LCMT2: variants seen among roughly 807,000 people sequenced by gnomAD.
LCMT2 encodes tRNA wybutosine-synthesizing protein 4.
LCMT2 carries 34 observed loss-of-function variants against 42.0 expected under a neutral mutation model. That is an observed-to-expected ratio of 0.81 (90% confidence interval 0.62 to 1.08). The LOEUF (loss-of-function observed/expected upper bound fraction) is 1.08. Ranked by LOEUF, LCMT2 falls within the 50% of genes least tolerant of loss-of-function variation. The probability of loss-of-function intolerance (pLI) is 0.00; values close to 1 mark genes in which losing one functional copy is unlikely to be tolerated. For missense variants in LCMT2, 1,091 were observed against 889.4 expected (o/e 1.23, Z -2.88); for synonymous variants, 445 against 369.5 (o/e 1.20, Z -2.34).
Position 43,329,554 on chromosome 15 carries a change from A to G in LCMT2, c.936T>C (p.Ser312=), listed in dbSNP as rs146821291. The change falls in exon 1 of 1, where the codon TCT becomes TCC. Residue 312 remains serine (S), a synonymous_variant. Coordinates refer to ENST00000305641, the MANE Select transcript of LCMT2 (RefSeq NM_014793.5). ...KCAHYFILAA[S]RGDTLSHTLV... ...GGGTGTGGGAGAGGGTGTCTCCCCT[A>G]GAAGCTGCCAGAATGAAATAATGGG... 235 of 1,614,126 alleles carry G rather than the reference A, an allele frequency of 1.5e-4. No homozygotes were observed. The African/African-American group carries it at 2.9e-3, about 20-fold the overall frequency.
In LCMT2 at chr15:43,330,503, T is replaced by G. The variant is rs1423479713; in HGVS notation, c.-14A>C. The stretch of plus-strand genomic sequence containing the variant: ...CCGGGGGCCCATGGCCAGAAGAGAC[T>G]CAGGAATGGCAGTCTGTCACGGTTG... On this transcript the variant is annotated 5_prime_UTR_variant, in exon 1 of 1. Coordinates refer to ENST00000305641, the MANE Select transcript of LCMT2 (RefSeq NM_014793.5). The G allele has an allele frequency of 6.6e-7, 1 of 1,512,648 alleles. No individual in the cohort carries two copies. The highest frequency in any genetic ancestry group is 1.4e-5 in the African/African-American group (1 of 70,992). 93.7% of individuals were successfully genotyped at this position (1,512,648 alleles called of 1,614,324 possible).
In LCMT2 at chr15:43,328,337, G is replaced by A; in HGVS notation, c.*92C>T. On this transcript the variant is annotated 3_prime_UTR_variant, in exon 1 of 1. Transcript: ENST00000305641. ...CTAAGGGAAAAAAAGGATGGGGAAA[G>A]GAGGAGTGGCAGTATCTATAGCTAG... The A allele has an allele frequency of 3.8e-6, 5 of 1,332,908 alleles. No homozygotes were observed. The highest frequency in any genetic ancestry group is 5.2e-6 in the Non-Finnish European group (5 of 966,748). 82.6% of individuals were successfully genotyped at this position (1,332,908 alleles called of 1,614,324 possible).
rs925658506 is a variant in LCMT2, at chr15:43,329,165, G to A, written c.1325C>T (p.Pro442Leu). ...ATGAAGCTGGAGAACCCCCAAGGCT[G>A]GACTTACTGGGGACAGTCTCCCTCC... ...VLGGRLSPVS[P>L]ALGVLQLHFF... The change falls in exon 1 of 1, where the codon CCA becomes CTA. Residue 442 changes from proline to leucine, a missense_variant. Pro to Leu is a moderately conservative substitution (Grantham distance 98, BLOSUM62 -3). Transcript: ENST00000305641. The A allele has an allele frequency of 2.5e-6, 4 of 1,614,066 alleles. No individual in the cohort carries two copies. The Admixed American group carries it at 5.0e-5, about 20-fold the overall frequency.
In LCMT2 at chr15:43,326,020, T is replaced by C. The variant is rs1015487392; in HGVS notation, c.*2409A>G. On this transcript the variant is annotated 3_prime_UTR_variant, in exon 1 of 1. Transcript: ENST00000305641. Reference sequence around the variant, plus strand: ...CATCCCTGGCTAATCTTTGTATATATAGATAGATGGATAATTTTTTTTTTT... The same window carrying C: ...CATCCCTGGCTAATCTTTGTATATACAGATAGATGGATAATTTTTTTTTTT... 1 of 148,058 alleles carries C rather than the reference T, an allele frequency of 6.8e-6. No individual in the cohort carries two copies. Among genetic ancestry groups the C allele is most frequent in the African/African-American group, 2.5e-5 (1 of 40,408 alleles). The allele number at this position is 148,058 out of a possible 1,614,324, so 9.2% of individuals were successfully genotyped here.
Position 43,329,850 on chromosome 15 carries a change from G to C in LCMT2, c.640C>G (p.Leu214Val), listed in dbSNP as rs778676031. Residue 214 changes from leucine to valine, a missense_variant, in exon 1 of 1, where the codon CTT becomes GTT. By Grantham distance (32) the Leu-to-Val change is conservative. Coordinates refer to ENST00000305641, the MANE Select transcript of LCMT2 (RefSeq NM_014793.5). ...CTCATCTGCTCATAGACCACGAAAA[G>C]GGCATTAGGAAAACGCTGGGCTGCC... is the stretch of plus-strand genomic sequence containing the variant. The part of the protein sequence containing the change: ...AWAAQRFPNA[L>V]FVVYEQMRPQ... 2.5e-6 allele frequency: 4 copies of C among 1,613,764 alleles called. No homozygotes were observed. The African/African-American group carries it at 4.0e-5, about 16-fold the overall frequency.
chr15:43,329,066 G>A lies in LCMT2; in HGVS notation c.1424C>T (p.Ser475Phe), dbSNP rs777556762. Residue 475 changes from serine to phenylalanine, a missense_variant, in exon 1 of 1, where the codon TCC (serine) becomes TTC (phenylalanine). By Grantham distance (155) the Ser-to-Phe change is radical. Coordinates refer to ENST00000305641, the MANE Select transcript of LCMT2 (RefSeq NM_014793.5). ...TGAATGCCGCCAACAACACAAAGTG[G>A]AATCATCCTTTCGGCCAGCCTTTGT... ...TITKAGRKDD[S>F]TLCCWRHSTT... 8 of 1,614,116 alleles carry A rather than the reference G, an allele frequency of 5.0e-6. No individual in the cohort carries two copies. The highest frequency in any genetic ancestry group is 6.8e-6 in the Non-Finnish European group (8 of 1,180,030).
rs750103884 is a variant in LCMT2, at chr15:43,328,709, A to G, written c.1781T>C (p.Leu594Pro). 1.2e-6 allele frequency: 2 copies of G among 1,614,174 alleles called. No individual in the cohort carries two copies. The highest frequency in any genetic ancestry group is 1.7e-6 in the Non-Finnish European group (2 of 1,180,036). Residue 594 changes from leucine (L) to proline (P), a missense_variant, in exon 1 of 1, where the codon CTC (leucine) becomes CCC (proline). Coordinates refer to ENST00000305641, the MANE Select transcript of LCMT2 (RefSeq NM_014793.5). ...TPRYSHTAHV[L>P]NGKLLLVGGI... ...TCCAACCAGTAACAGCTTTCCATTG[A>G]GCACATGAGCTGTGTGGGAGTACCT... is the stretch of plus-strand genomic sequence containing the variant.
Position 43,325,510 on chromosome 15 carries a change from T to G in LCMT2, c.*2919A>C, listed in dbSNP as rs1371213403. ...AGATGAATAATTCCTTAACTGAGCA[T>G]GATGCTCAGTTAGAGGTGGAGGGCA... is the stretch of plus-strand genomic sequence containing the variant. On this transcript the variant is annotated 3_prime_UTR_variant, in exon 1 of 1. Transcript: ENST00000305641. 6.6e-6 allele frequency: 1 copy of G among 152,204 alleles called. No homozygotes were observed. The highest frequency in any genetic ancestry group is 1.9e-4 in the East Asian group (1 of 5,196). The allele number at this position is 152,204 out of a possible 1,614,324, so 9.4% of individuals were successfully genotyped here. A position where few individuals can be genotyped will look rare whatever the true frequency, so the allele number is the denominator to read the frequency against.
In LCMT2 at chr15:43,329,604, A is replaced by G. The variant is rs2043152669; in HGVS notation, c.886T>C (p.Phe296Leu). 6.2e-7 allele frequency: 1 copy of G among 1,613,994 alleles called. No homozygotes were observed. ...RVENIEPFDE[F>L]EEWHLKCAHY... ...GCGCACTTCAGATGCCACTCCTCAAATTCGTCAAAGGGTTCAATATTTTCC... is the reference window on the plus strand; with the variant it reads ...GCGCACTTCAGATGCCACTCCTCAAGTTCGTCAAAGGGTTCAATATTTTCC... The change falls in exon 1 of 1, where the codon TTT (phenylalanine) becomes CTT (leucine). Residue 296 changes from phenylalanine (F) to leucine (L), a missense_variant. Coordinates refer to ENST00000305641, the MANE Select transcript of LCMT2 (RefSeq NM_014793.5).
chr15:43,329,487 C>T lies in LCMT2; in HGVS notation c.1003G>A (p.Ala335Thr). Residue 335 changes from alanine (A) to threonine (T), a missense_variant, in exon 1 of 1, where the codon GCT (alanine) becomes ACT (threonine). Transcript: ENST00000305641. Reference sequence around the variant, plus strand: ...GCAGGGAATACCCCTGAAGGCGAAGCAGGATTTACGCGAGGAAATGCCTCT... The same window carrying T: ...GCAGGGAATACCCCTGAAGGCGAAGTAGGATTTACGCGAGGAAATGCCTCT... ...SSEAFPRVNP[A>T]SPSGVFPASV... is the part of the protein sequence containing the mutation. 1 of 1,614,200 alleles carries T rather than the reference C, an allele frequency of 6.2e-7. No homozygotes were observed. Among genetic ancestry groups the T allele is most frequent in the Non-Finnish European group, 8.5e-7 (1 of 1,180,040 alleles).
Position 43,328,376 on chromosome 15 carries a change from T to C in LCMT2, c.*53A>G, listed in dbSNP as rs535350803. The C allele has an allele frequency of 3.7e-5, 57 of 1,540,790 alleles. No homozygotes were observed. The East Asian group carries it at 1.3e-3, about 34-fold the overall frequency. On this transcript the variant is annotated 3_prime_UTR_variant, in exon 1 of 1. Coordinates refer to ENST00000305641, the MANE Select transcript of LCMT2 (RefSeq NM_014793.5). ...ATCTATAGCTAGAGGGTCATCCTAT[T>C]TGTGGAAAACTTTATTGTCTACTTT...
In LCMT2 at chr15:43,327,969, T is replaced by G; in HGVS notation, c.*460A>C. 6.2e-6 allele frequency: 1 copy of G among 160,178 alleles called. No homozygotes were observed. The highest frequency in any genetic ancestry group is 5.8e-5 in the Admixed American group (1 of 17,176). The allele number at this position is 160,178 out of a possible 1,614,324, so 9.9% of individuals were successfully genotyped here. ...ACTGTGACTGTGTTCATTTCAGGTTTCCTACATGAAGAATTGTCAATACTA... is the reference window on the plus strand; with the variant it reads ...ACTGTGACTGTGTTCATTTCAGGTTGCCTACATGAAGAATTGTCAATACTA... On this transcript the variant is annotated 3_prime_UTR_variant, in exon 1 of 1. Coordinates refer to ENST00000305641, the MANE Select transcript of LCMT2 (RefSeq NM_014793.5).
chr15:43,329,156 C>T lies in LCMT2; in HGVS notation c.1334G>A (p.Gly445Glu). Residue 445 changes from glycine (G) to glutamate (E), a missense_variant, in exon 1 of 1, where the codon GGG becomes GAG. Physicochemically the swap from Gly to Glu is moderately conservative, Grantham distance 98 (BLOSUM62 -2). Coordinates refer to ENST00000305641, the MANE Select transcript of LCMT2 (RefSeq NM_014793.5). The stretch of plus-strand genomic sequence containing the variant: ...CTTAAAAAAATGAAGCTGGAGAACC[C>T]CCAAGGCTGGACTTACTGGGGACAG... ...GRLSPVSPAL[G>E]VLQLHFFKSE... 6.2e-7 allele frequency: 1 copy of T among 1,614,030 alleles called. No individual in the cohort carries two copies. The highest frequency in any genetic ancestry group is 1.1e-5 in the South Asian group (1 of 91,080).
In LCMT2 at chr15:43,330,303, C is replaced by G. The variant is rs755121894; in HGVS notation, c.187G>C (p.Val63Leu). 7.5e-6 allele frequency: 12 copies of G among 1,594,010 alleles called. No individual in the cohort carries two copies. Among genetic ancestry groups the G allele is most frequent in the Middle Eastern group, 1.7e-4 (1 of 6,002 alleles). ...HRGYYVRARA[V>L]RHCVRAFLEQ... ...AAAAAAGCGCGCACGCAGTGCCTCACGGCGCGTGCGCGGACGTAGTAGCCT... is the reference window on the plus strand; with the variant it reads ...AAAAAAGCGCGCACGCAGTGCCTCAGGGCGCGTGCGCGGACGTAGTAGCCT... Residue 63 changes from valine (V) to leucine (L), a missense_variant, in exon 1 of 1, where the codon GTG becomes CTG. Physicochemically the swap from Val to Leu is conservative, Grantham distance 32 (BLOSUM62 1). Transcript: ENST00000305641.
Position 43,328,487 on chromosome 15 carries a change from G to C in LCMT2, c.2003C>G (p.Thr668Ser), listed in dbSNP as rs1195150884. The C allele has an allele frequency of 6.2e-7, 1 of 1,614,036 alleles. No individual in the cohort carries two copies. The highest frequency in any genetic ancestry group is 1.3e-5 in the African/African-American group (1 of 74,916). Residue 668 changes from threonine to serine, a missense_variant, in exon 1 of 1, where the codon ACC (threonine) becomes AGC (serine). Coordinates refer to ENST00000305641, the MANE Select transcript of LCMT2 (RefSeq NM_014793.5). Reference protein sequence around the residue: ...GGGGNCFSFGTYFNPHTVTLD... With the variant: ...GGGGNCFSFGSYFNPHTVTLD... Reference sequence around the variant, plus strand: ...TGTGACTGTATGGGGGTTGAAGTAGGTACCAAAGGAAAAGCAGTTCCCACC... The same window carrying C: ...TGTGACTGTATGGGGGTTGAAGTAGCTACCAAAGGAAAAGCAGTTCCCACC...
Position 43,329,980 on chromosome 15 carries a change from C to G in LCMT2, c.510G>C (p.Glu170Asp). ...CGTCGAGCCCCGCGGCGCCCAGGGC[C>G]TCCTCCACTCGCTGGAGCTGCCGCA... ...LDLRQLQRVE[E>D]ALGAAGLDAA... is the part of the protein sequence containing the mutation. The change falls in exon 1 of 1, where the codon GAG (glutamate) becomes GAC (aspartate). Residue 170 changes from glutamate to aspartate, a missense_variant. Glu to Asp is a conservative substitution (Grantham distance 45). Transcript: ENST00000305641. The G allele has an allele frequency of 6.2e-7, 1 of 1,612,522 alleles. No individual in the cohort carries two copies. Among genetic ancestry groups the G allele is most frequent in the Middle Eastern group, 1.6e-4 (1 of 6,062 alleles).
At position 43,330,571 on chromosome 15, in the gene LCMT2, G is replaced by C; in HGVS notation, c.-82C>G. 1.4e-6 allele frequency: 2 copies of C among 1,451,504 alleles called. No homozygotes were observed. The highest frequency in any genetic ancestry group is 1.8e-6 in the Non-Finnish European group (2 of 1,103,052). The allele number at this position is 1,451,504 out of a possible 1,614,324, so 89.9% of individuals were successfully genotyped here. A position where few individuals can be genotyped will look rare whatever the true frequency, so the allele number is the denominator to read the frequency against. On this transcript the variant is annotated 5_prime_UTR_variant, in exon 1 of 1. Coordinates refer to ENST00000305641, the MANE Select transcript of LCMT2 (RefSeq NM_014793.5). The stretch of plus-strand genomic sequence containing the variant: ...AGCACACACCTCACGGACCTCGGTA[G>C]GGGGAAAAAAACCACCCATGCTCCT...
Position 43,330,349 on chromosome 15 carries a change from G to GCGCGC in LCMT2, c.136_140dup (p.Pro50AlafsTer16), listed in dbSNP as rs902521449. 5 of 1,601,774 alleles carry GCGCGC rather than the reference G, an allele frequency of 3.1e-6. No homozygotes were observed. The highest frequency in any genetic ancestry group is 1.7e-5 in the Admixed American group (1 of 57,898). ...AGCCTCGGTGAATGAGCGGTGCGCG[G>GCGCGC]CGCGCCGCGCCCGGAACCAGCAACG... is the stretch of plus-strand genomic sequence containing the variant. On this transcript the variant is annotated frameshift_variant, in exon 1 of 1. Coordinates refer to ENST00000305641, the MANE Select transcript of LCMT2 (RefSeq NM_014793.5). LOFTEE classifies it low-confidence loss of function (END_TRUNC).
In LCMT2 at chr15:43,325,387, CTG is replaced by C. The variant is rs1453936652; in HGVS notation, c.*3040_*3041del. The C allele has an allele frequency of 6.6e-6, 1 of 152,200 alleles. No homozygotes were observed. The highest frequency in any genetic ancestry group is 1.5e-5 in the Non-Finnish European group (1 of 68,032). The allele number at this position is 152,200 out of a possible 1,614,324, so 9.4% of individuals were successfully genotyped here. ...ACTGTGCAGATTACTGTTAATGAAACTGTGGTTCAACGCTAGTCTATATTGAA... is the reference window on the plus strand; with the variant it reads ...ACTGTGCAGATTACTGTTAATGAAACTGGTTCAACGCTAGTCTATATTGAA... On this transcript the variant is annotated 3_prime_UTR_variant, in exon 1 of 1. Coordinates refer to ENST00000305641, the MANE Select transcript of LCMT2 (RefSeq NM_014793.5).
Sources: gnomAD v4.1 joint callset for allele counts on GRCh38, gnomAD v4.1.1 for gene constraint, MANE v1.5 for transcripts, NCBI Gene and HGNC (gene_info 2026-07-23, HGNC 2026-07-21) for gene names.